The following CACNG5 variants were observed in gnomAD, a reference collection of about 807,000 sequenced individuals.
The protein encoded by CACNG5 is voltage-dependent calcium channel gamma-5 subunit.
CACNG5 carries 18 observed loss-of-function variants against 24.8 expected under a neutral mutation model. That is an observed-to-expected ratio of 0.73 (90% CI 0.50 to 1.08). The LOEUF (loss-of-function observed/expected upper bound fraction) is 1.08. Ranked by LOEUF, CACNG5 falls within the 50% of genes least tolerant of loss-of-function variation. The pLI is 0.00. For synonymous variants in CACNG5, 157 were observed against 149.1 expected, an observed-to-expected ratio of 1.05 and a Z score of -0.39; for missense variants, 349 against 367.9, an observed-to-expected ratio of 0.95 and a Z score of 0.42.
chr17:66,884,599 T>C lies in CACNG5; in HGVS notation c.508T>C (p.Tyr170His), dbSNP rs768398089. The change falls in exon 5 of 6, where the codon TAC becomes CAC. Residue 170 changes from tyrosine to histidine, a missense_variant. Coordinates refer to ENST00000533854, the MANE Select transcript of CACNG5 (RefSeq NM_145811.3). ...MLNRTKDAET[Y>H]FNYKYGWSFA... ...CAACAGGACCAAGGATGCAGAGACC[T>C]ACTTCAACTACAAGTATGGGTGGTC... 1.5e-5 allele frequency: 25 copies of C among 1,614,072 alleles called. No individual in the cohort carries two copies. The East Asian group carries it at 5.6e-4, about 36-fold the overall frequency.
Position 66,890,374 on chromosome 17 carries a change from A to C in CACNG5, c.*5134A>C, listed in dbSNP as rs1164860585. On this transcript the variant is annotated 3_prime_UTR_variant, in exon 6 of 6. Transcript: ENST00000533854. ...TGGGTTCCAGGCATGCAGATGAGTG[A>C]ATAGGAACTGGGCAGGTGCCCCTCT... Among the ~76,000 whole-genome samples, 3 of 152,354 alleles carry C rather than the reference A, an allele frequency of 2.0e-5. No individual in the cohort carries two copies. The East Asian group carries it at 5.8e-4, about 29-fold the overall frequency.
chr17:66,838,371 T>G (rs1241474205), intron 1 of CACNG5, among the ~76,000 whole-genome samples: 2 of 151,298 alleles, frequency 1.3e-5, no homozygotes, highest in Non-Finnish European at 1.5e-5. Context: ...CTTGCTCAGT[T>G]GTGCACAAGG....
Position 66,890,611 on chromosome 17 carries a change from C to T in CACNG5, c.*5371C>T, listed in dbSNP as rs1284767454. Among the ~76,000 whole-genome samples, 1 of 152,218 alleles carries T rather than the reference C, an allele frequency of 6.6e-6. No individual in the cohort carries two copies. The highest frequency in any genetic ancestry group is 1.5e-5 in the Non-Finnish European group (1 of 68,022). On this transcript the variant is annotated 3_prime_UTR_variant, in exon 6 of 6. Transcript: ENST00000533854. ...CACTGTGGGGCTAAGGTTTTCTGCC[C>T]CAGGTGGCCCCATCCTTGAAGGTTT... is the stretch of plus-strand genomic sequence containing the variant.
At position 66,891,361 on chromosome 17, in the gene CACNG5, A is replaced by G. The variant is rs1447811551; in HGVS notation, c.*6121A>G. Among the ~76,000 whole-genome samples, 4 of 152,198 alleles carry G rather than the reference A, an allele frequency of 2.6e-5. No individual in the cohort carries two copies. Among genetic ancestry groups the G allele is most frequent in the Admixed American group, 6.5e-5 (1 of 15,282 alleles). On this transcript the variant is annotated 3_prime_UTR_variant, in exon 6 of 6. Coordinates refer to ENST00000533854, the MANE Select transcript of CACNG5 (RefSeq NM_145811.3). ...AACAATCATATCATGATTATTTCTGACAGCTTTAGGGGTTGGCTGGGCTCA... is the reference window on the plus strand; with the variant it reads ...AACAATCATATCATGATTATTTCTGGCAGCTTTAGGGGTTGGCTGGGCTCA...
intron 1 of CACNG5, 45 bp from the exon 2 acceptor site, chr17:66,877,185 T>G (rs1212216994): frequency 4.8e-6 from 3 of 631,218 alleles, no homozygotes; most frequent in South Asian, 2.0e-5. Context: ...TGAGCCAGGT[T>G]GGGGTTTGAC....
chr17:66,867,667 C>T (rs1976949137), intron 1 of CACNG5, among the ~76,000 whole-genome samples: 1 of 152,056 alleles, frequency 6.6e-6, no homozygotes, highest in South Asian at 2.1e-4. Flanking sequence ...AGGAAGGGGT[C>T]CAGTTTCAGT....
At chr17:66,851,655 A>G (rs1410205808) in intron 1 of CACNG5, among the ~76,000 whole-genome samples, 24 of 152,226 alleles carry the variant, frequency 1.6e-4, no homozygotes, top group Non-Finnish European at 5.9e-5. Flanking sequence ...TGTTGTTTGT[A>G]AGAGCTGAAT....
rs1355434251 is a variant in CACNG5 at position 66,880,611 on chromosome 17, T to C, written c.338T>C (p.Ile113Thr). 3.1e-6 allele frequency: 5 copies of C among 1,614,088 alleles called. No individual in the cohort carries two copies. Among genetic ancestry groups the C allele is most frequent in the South Asian group, 1.1e-5 (1 of 91,090 alleles). The change falls in exon 4 of 6, where the codon ATT (isoleucine) becomes ACT (threonine). Residue 113 changes from isoleucine to threonine, a missense_variant. Physicochemically the swap from Ile to Thr is moderately conservative, Grantham distance 89. Transcript: ENST00000533854. ...CTGGTCAGCCTCTTCTTCATGTTCA[T>C]TGGGTTTATCCTGAACAACATCGGA... is the stretch of plus-strand genomic sequence containing the variant. ...FPLVSLFFMF[I>T]GFILNNIGHI...
In CACNG5 at chr17:66,835,185, C is replaced by T. The variant is rs1976467200; in HGVS notation, c.-169C>T. On this transcript the variant is annotated 5_prime_UTR_variant, in exon 1 of 6. Transcript: ENST00000533854. ...CCGGGCAGCCTAGCGCGGTACCTCCCGCCCCGCGCGCCCAGCCGGCGAGGG... is the reference window on the plus strand; with the variant it reads ...CCGGGCAGCCTAGCGCGGTACCTCCTGCCCCGCGCGCCCAGCCGGCGAGGG... 6.6e-6 allele frequency: 1 copy of T among 152,284 alleles called. No individual in the cohort carries two copies. Among genetic ancestry groups the T allele is most frequent in the Non-Finnish European group, 1.5e-5 (1 of 68,094 alleles). The allele number at this position is 152,284 out of a possible 1,614,324, so 9.4% of individuals were successfully genotyped here. A position where few individuals can be genotyped will look rare whatever the true frequency, so the allele number is the denominator to read the frequency against.
chr17:66,886,321 A>G lies in CACNG5; in HGVS notation c.*1081A>G, dbSNP rs556722674. ...TGCTCTCCGAAGGCTGCCTGTGAAC[A>G]TTGGGGGGTTGCCAATTTAATCCTA... is the stretch of plus-strand genomic sequence containing the variant. On this transcript the variant is annotated 3_prime_UTR_variant, in exon 6 of 6. Transcript: ENST00000533854. Among the ~76,000 whole-genome samples the G allele has an allele frequency of 2.0e-5, 3 of 152,312 alleles. No homozygotes were observed. The highest frequency in any genetic ancestry group is 4.8e-5 in the African/African-American group (2 of 41,574).
In CACNG5 at chr17:66,865,930, C is replaced by G. The variant is rs546029715; in HGVS notation, c.-103-11300C>G. Among the ~76,000 whole-genome samples the G allele has an allele frequency of 1.3e-3, 193 of 151,908 alleles. 1 individual carries two copies. Among genetic ancestry groups the G allele is most frequent in the African/African-American group, 4.3e-3 (178 of 41,418 alleles). On this transcript the variant is annotated intron_variant, in intron 1 of 5. Transcript: ENST00000533854. ...TGCTGGGATTACAGGCATGAGCCAC[C>G]GCACCCGGCCAAGTCTGACAAAATT...
rs536688187 is a variant in CACNG5 at position 66,891,197 on chromosome 17, T to A, written c.*5957T>A. Among the ~76,000 whole-genome samples the A allele has an allele frequency of 1.1e-3, 174 of 152,276 alleles. No individual in the cohort carries two copies. The highest frequency in any genetic ancestry group is 2.1e-3 in the Non-Finnish European group (140 of 68,026). On this transcript the variant is annotated 3_prime_UTR_variant, in exon 6 of 6. Coordinates refer to ENST00000533854, the MANE Select transcript of CACNG5 (RefSeq NM_145811.3). ...TTCCCAGAAGCAACCCCAGCAGACT[T>A]CATGTCATGTCTCATTGGCCAAAAC... is the stretch of plus-strand genomic sequence containing the variant.
intron 1 of CACNG5, among the ~76,000 whole-genome samples, chr17:66,850,755 C>T (rs1325641796): frequency 3.9e-5 from 6 of 152,016 alleles, no homozygotes; most frequent in Admixed American, 2.6e-4. Context: ...CAATACCACC[C>T]CTAGGAAAGG....
rs79363035 is a variant in CACNG5, at chr17:66,887,270, G to T, written c.*2030G>T. ...GGGCAACACCCTTCCACTCTGAGGG[G>T]CTTGGCCTAAATGGTTTCCAAGCCC... On this transcript the variant is annotated 3_prime_UTR_variant, in exon 6 of 6. Coordinates refer to ENST00000533854, the MANE Select transcript of CACNG5 (RefSeq NM_145811.3). Among the ~76,000 whole-genome samples the T allele has an allele frequency of 5.5e-3, 840 of 152,156 alleles. 54 individuals carry two copies. In the East Asian group the frequency reaches 0.12, roughly 21 times the overall value.
chr17:66,874,187 T>A (rs762305446), intron 1 of CACNG5, among the ~76,000 whole-genome samples: 1 of 152,220 alleles, frequency 6.6e-6, no homozygotes, highest in Non-Finnish European at 1.5e-5. Flanking sequence ...ATGGGTGTGG[T>A]AATAGAATAG....
At chr17:66,867,287 C>G (rs1442895960) in intron 1 of CACNG5, among the ~76,000 whole-genome samples, 1 of 152,110 alleles carries the variant, frequency 6.6e-6, no homozygotes, top group African/African-American at 2.4e-5. Flanking sequence ...AGCATCTGTT[C>G]ATGTCCTTTG....
chr17:66,836,751 C>T (rs11868108), intron 1 of CACNG5, among the ~76,000 whole-genome samples: 1 of 152,206 alleles, frequency 6.6e-6, no homozygotes, highest in Non-Finnish European at 1.5e-5. Context: ...TGCTGAGGGG[C>T]TGGGTAGTCC....
chr17:66,852,661 A>G (rs1976721369), intron 1 of CACNG5, among the ~76,000 whole-genome samples: 1 of 152,180 alleles, frequency 6.6e-6, no homozygotes, highest in Non-Finnish European at 1.5e-5. Context: ...AATATAGAAC[A>G]TTTCAATCAC....
intron 1 of CACNG5, among the ~76,000 whole-genome samples, chr17:66,862,305 C>T (rs975400912): frequency 6.6e-5 from 10 of 151,644 alleles, no homozygotes; most frequent in South Asian, 2.1e-4. Flanking sequence ...GTTGGGGAGA[C>T]GTGAATAGGG....
Sources: allele counts gnomAD v4.1 joint callset (sites outside exome capture counted in the v4.1 genomes callset), GRCh38; gene constraint gnomAD v4.1.1; transcripts MANE v1.5; gene names NCBI Gene and HGNC (gene_info 2026-07-23, HGNC 2026-07-21).